RBFOX3: variants seen among roughly 807,000 people sequenced by gnomAD.
RBFOX3 encodes RNA binding fox-1 homolog 3.
In RBFOX3, 17 loss-of-function variants were observed where a neutral mutation model predicts 48.7. That is an observed-to-expected ratio of 0.35 (90% confidence interval 0.24 to 0.52). RBFOX3 has a LOEUF of 0.52. Among genes scored for constraint, RBFOX3 ranks in the 20% least tolerant of loss-of-function variants. The pLI, the probability that RBFOX3 is intolerant of heterozygous loss-of-function variation, is 0.94. For synonymous variants in RBFOX3, 212 were observed against 209.5 expected, an observed-to-expected ratio of 1.01 and a Z score of -0.10; for missense variants, 382 against 497.5, an observed-to-expected ratio of 0.77 and a Z score of 2.21.
intron 3 of RBFOX3, among the ~76,000 whole-genome samples, chr17:79,239,479 A>G (rs4789966): frequency 0.61 from 92,167 of 152,096 alleles, 28,467 homozygotes; most frequent in Middle Eastern, 0.68. Flanking sequence ...ATGCAGTCAC[A>G]CCCTTCAGCA....
intron 1 of RBFOX3, chr17:79,600,172 G>A (rs2093671785): frequency 6.6e-6 from 1 of 152,280 alleles, no homozygotes; most frequent in South Asian, 2.1e-4. Context: ...GCAAGCACCA[G>A]TACCAATACA....
intron 2 of RBFOX3, among the ~76,000 whole-genome samples, chr17:79,459,616 A>C (rs1555747469): frequency 6.6e-6 from 1 of 151,580 alleles, no homozygotes; most frequent in Non-Finnish European, 1.5e-5. Context: ...CCCCACCCCC[A>C]CCAATCCTAG....
At chr17:79,498,551 G>A (rs4790057) in intron 1 of RBFOX3, among the ~76,000 whole-genome samples, 69 of 93,528 alleles carry the variant, frequency 7.4e-4, no homozygotes, top group East Asian at 2.1e-3. Context: ...TTACCCATCC[G>A]TCTACTCATG....
chr17:79,181,321 G>T, intron 4 of RBFOX3, among the ~76,000 whole-genome samples: 1 of 152,240 alleles, frequency 6.6e-6, no homozygotes, highest in East Asian at 1.9e-4. Context: ...CTGGGTGGCT[G>T]TACAGCAGAT....
chr17:79,337,227 T>A (rs1259708192), intron 2 of RBFOX3, among the ~76,000 whole-genome samples: 1 of 152,120 alleles, frequency 6.6e-6, no homozygotes, highest in African/African-American at 2.4e-5. Context: ...GGCTAGGACT[T>A]TTCAAAGGAA....
intron 2 of RBFOX3, among the ~76,000 whole-genome samples, chr17:79,320,161 A>G (rs1340234430): frequency 6.6e-6 from 1 of 152,072 alleles, no homozygotes; most frequent in Non-Finnish European, 1.5e-5. Flanking sequence ...GAGACTAGAG[A>G]CCTTTCCAGA....
the RBFOX3 span, among the ~76,000 whole-genome samples, chr17:79,647,882 G>T: frequency 6.6e-6 from 1 of 152,134 alleles, no homozygotes; most frequent in South Asian, 2.1e-4. Context: ...CCACCTGGGG[G>T]TGGAGTGGTA....
intron 2 of RBFOX3, among the ~76,000 whole-genome samples, chr17:79,313,953 C>T (rs747040687): frequency 8.5e-5 from 13 of 152,160 alleles, no homozygotes; most frequent in African/African-American, 9.7e-5. Flanking sequence ...CTTGCATGTC[C>T]GGCTCTTGCC....
rs190379034 is a variant in RBFOX3, at chr17:79,221,235, G to A, written c.-34+14531C>T. On this transcript the variant is annotated intron_variant, in intron 4 of 14. Coordinates refer to ENST00000693108, the MANE Select transcript of RBFOX3 (RefSeq NM_001350451.2). ...AGGGACCCAGGCCCAGGGCCCGGTC[G>A]GGAGCCTGCTCCACCATCGGCCTGA... 8.1e-3 allele frequency among the ~76,000 whole-genome samples: 1,230 copies of A among 152,364 alleles called. 7 individuals carry two copies. The highest frequency in any genetic ancestry group is 0.011 in the Non-Finnish European group (740 of 68,028).
chr17:79,513,353 C>T (rs926859811), intron 1 of RBFOX3, among the ~76,000 whole-genome samples: 6 of 152,108 alleles, frequency 3.9e-5, no homozygotes, highest in African/African-American at 1.4e-4. Flanking sequence ...CATGGCCCCA[C>T]GGCCAGGTGG....
chr17:79,234,721 C>CTTTTTTTTTTTT lies in RBFOX3; in HGVS notation c.-34+1033_-34+1044dup, dbSNP rs71161654. The CTTTTTTTTTTTT allele has an allele frequency of 1.9e-4, 12 of 61,832 alleles. 3 individuals are homozygous for CTTTTTTTTTTTT. Among genetic ancestry groups the CTTTTTTTTTTTT allele is most frequent in the African/African-American group, 7.9e-4 (10 of 12,592 alleles). The allele number at this position is 61,832 out of a possible 1,614,324, so 3.8% of individuals were successfully genotyped here. ...TTGGGTTTATTGGGGGCATTAAGTG[C>CTTTTTTTTTTTT]TTTTTTTTTTTTTTTTTTTTTTTTT... On this transcript the variant is annotated intron_variant, in intron 4 of 14. Coordinates refer to ENST00000693108, the MANE Select transcript of RBFOX3 (RefSeq NM_001350451.2).
chr17:79,307,099 C>T (rs1046681229), intron 3 of RBFOX3, among the ~76,000 whole-genome samples: 2 of 152,244 alleles, frequency 1.3e-5, no homozygotes, highest in African/African-American at 4.8e-5. Flanking sequence ...AGCACAGGTG[C>T]CAAGTATAAT....
At chr17:79,150,823 G>A (rs1292319686) in intron 4 of RBFOX3, among the ~76,000 whole-genome samples, 2 of 152,184 alleles carry the variant, frequency 1.3e-5, no homozygotes, top group Admixed American at 6.5e-5. Flanking sequence ...CTGGCCATGG[G>A]GCCTCAGGGG....
chr17:79,165,854 G>A (rs1455740374), intron 4 of RBFOX3, among the ~76,000 whole-genome samples: 1 of 152,234 alleles, frequency 6.6e-6, no homozygotes, highest in Non-Finnish European at 1.5e-5. Flanking sequence ...GGCAGCAGCA[G>A]ATACCATGAG....
intron 14 of RBFOX3, among the ~76,000 whole-genome samples, chr17:79,091,255 C>T (rs960090189): frequency 5.9e-5 from 9 of 152,136 alleles, no homozygotes; most frequent in South Asian, 2.1e-4. Context: ...GCCTGGTGGG[C>T]GGCAGGACTT....
chr17:79,108,863 C>T (rs1399900943), intron 5 of RBFOX3, among the ~76,000 whole-genome samples: 1 of 152,244 alleles, frequency 6.6e-6, no homozygotes, highest in Non-Finnish European at 1.5e-5. Context: ...GCCCCTGGCA[C>T]TGGCAGTGGG....
At chr17:79,463,396 C>T (rs1342977232) in intron 2 of RBFOX3, among the ~76,000 whole-genome samples, 1 of 132,432 alleles carries the variant, frequency 7.6e-6, no homozygotes, top group African/African-American at 2.9e-5. Context: ...CCACCACCAT[C>T]GCCACCGCCA....
At chr17:79,174,545 ACT>A (rs1009510747) in intron 4 of RBFOX3, among the ~76,000 whole-genome samples, 2 of 151,234 alleles carry the variant, frequency 1.3e-5, no homozygotes, top group African/African-American at 2.4e-5. Flanking sequence ...ACAGTCACAC[ACT>A]GATACACAAT....
At chr17:79,121,273 C>T (rs780033205) in intron 4 of RBFOX3, among the ~76,000 whole-genome samples, 5 of 152,096 alleles carry the variant, frequency 3.3e-5, no homozygotes, top group East Asian at 1.9e-4. Context: ...TCTGGCAATT[C>T]GCCCCTTGCA....
Sources: gnomAD v4.1 joint callset for allele counts (sites outside exome capture counted in the v4.1 genomes callset) on GRCh38, gnomAD v4.1.1 for gene constraint, MANE v1.5 for transcripts, NCBI Gene and HGNC (gene_info 2026-07-23, HGNC 2026-07-21) for gene names.